The following ZNF804B variants were observed in gnomAD, a reference collection of about 807,000 sequenced individuals.
The protein encoded by ZNF804B is zinc finger protein 804B.
A neutral mutation model predicts 101.4 loss-of-function variants in ZNF804B; 80 were observed. The ratio of observed to expected loss-of-function variants is 0.79; its 90% confidence interval spans 0.66 to 0.95. ZNF804B has a LOEUF of 0.95. Ranked by LOEUF, ZNF804B falls within the 40% of genes least tolerant of loss-of-function variation. The pLI is 0.00. For synonymous variants in ZNF804B, 622 were observed against 558.8 expected (o/e 1.11, Z -1.59); for missense variants, 1,673 against 1,561.9 (o/e 1.07, Z -1.20).
chr7:89,126,957 A>G (rs971081839), intron 1 of ZNF804B, among the ~76,000 whole-genome samples: 1 of 151,918 alleles, frequency 6.6e-6, no homozygotes, highest in Non-Finnish European at 1.5e-5. Context: ...GAAAACAAAC[A>G]TGAAAATAAT....
intron 1 of ZNF804B, among the ~76,000 whole-genome samples, chr7:88,895,317 G>A (rs948645638): frequency 2.0e-5 from 3 of 152,202 alleles, no homozygotes; most frequent in African/African-American, 4.8e-5. Flanking sequence ...CTGTTAAAGT[G>A]GGAAGTTACA....
chr7:89,154,968 T>C (rs768861316), intron 1 of ZNF804B, among the ~76,000 whole-genome samples: 1 of 152,114 alleles, frequency 6.6e-6, no homozygotes, highest in Non-Finnish European at 1.5e-5. Flanking sequence ...ATGATGCGAT[T>C]ATTACATATT....
At position 89,152,690 on chromosome 7, in the gene ZNF804B, A is replaced by T. The variant is rs201975274; in HGVS notation, c.109-65465A>T. Among the ~76,000 whole-genome samples the T allele has an allele frequency of 1.2e-4, 18 of 152,276 alleles. No homozygotes were observed. The East Asian group carries it at 3.5e-3, about 29-fold the overall frequency. On this transcript the variant is annotated intron_variant, in intron 1 of 3. Coordinates refer to ENST00000333190, the MANE Select transcript of ZNF804B (RefSeq NM_181646.5). Reference sequence around the variant, plus strand: ...AAAGCTGTAATTCTTTTTAAAATAAAATATATAGTTACCTGTTTTCTTGCC... The same window carrying T: ...AAAGCTGTAATTCTTTTTAAAATAATATATATAGTTACCTGTTTTCTTGCC...
At chr7:88,934,872 A>G (rs1258951298) in intron 1 of ZNF804B, among the ~76,000 whole-genome samples, 1 of 151,972 alleles carries the variant, frequency 6.6e-6, no homozygotes, top group Admixed American at 6.6e-5. Context: ...CGATCCCACT[A>G]CTGGGTATCT....
chr7:88,877,006 A>AAAAAATATATAT (rs1171913711), intron 1 of ZNF804B, among the ~76,000 whole-genome samples: 1 of 84,298 alleles, frequency 1.2e-5, no homozygotes, highest in Non-Finnish European at 2.0e-5. Flanking sequence ...TTGAAAAAAA[A>AAAAAATATATAT]AATATATATA....
intron 1 of ZNF804B, among the ~76,000 whole-genome samples, chr7:88,826,442 C>T (rs1791051238): frequency 6.6e-6 from 1 of 152,080 alleles, no homozygotes; most frequent in South Asian, 2.1e-4. Flanking sequence ...TTCAGTTTTG[C>T]TTCTCATTTA....
chr7:88,841,154 C>A (rs1791286987), intron 1 of ZNF804B, among the ~76,000 whole-genome samples: 1 of 152,102 alleles, frequency 6.6e-6, no homozygotes, highest in South Asian at 2.1e-4. Flanking sequence ...TTGCCCTAGG[C>A]TTTTGGGAGG....
chr7:89,027,997 ATTTG>A lies in ZNF804B; in HGVS notation c.109-190151_109-190148del, dbSNP rs1456492498. Among the ~76,000 whole-genome samples the A allele has an allele frequency of 4.6e-5, 7 of 152,118 alleles. 1 individual carries two copies. Among genetic ancestry groups the A allele is most frequent in the Non-Finnish European group, 8.8e-5 (6 of 68,022 alleles). ...AATCCTTCAACGTTTTACCACTGGA[ATTTG>A]TTTGTTCTTGCTTGTCTAATAAAGT... On this transcript the variant is annotated intron_variant, in intron 1 of 3. Coordinates refer to ENST00000333190, the MANE Select transcript of ZNF804B (RefSeq NM_181646.5).
chr7:88,924,866 G>A (rs184932938), intron 1 of ZNF804B, among the ~76,000 whole-genome samples: 252 of 152,220 alleles, frequency 1.7e-3, no homozygotes, highest in African/African-American at 5.8e-3. Context: ...TTAAAACACT[G>A]CCTAGTACAC....
At chr7:89,309,957 T>C (rs1790625913) in intron 2 of ZNF804B, among the ~76,000 whole-genome samples, 2 of 151,880 alleles carry the variant, frequency 1.3e-5, no homozygotes, top group Admixed American at 1.3e-4. Context: ...GATGGCCATA[T>C]AGCTGGCTAA....
intron 1 of ZNF804B, among the ~76,000 whole-genome samples, chr7:89,149,845 A>T (rs1391210426): frequency 6.6e-6 from 1 of 151,482 alleles, no homozygotes; most frequent in African/African-American, 2.4e-5. Context: ...ATATTTGCCC[A>T]GTAGGTACTT....
intron 1 of ZNF804B, among the ~76,000 whole-genome samples, chr7:89,194,716 C>T (rs967475190): frequency 6.7e-6 from 1 of 148,786 alleles, no homozygotes; most frequent in Non-Finnish European, 1.5e-5. Flanking sequence ...GTTACTGTAG[C>T]CTTGTAGTAT....
intron 2 of ZNF804B, among the ~76,000 whole-genome samples, chr7:89,253,788 A>G (rs1304619466): frequency 6.6e-6 from 1 of 152,142 alleles, no homozygotes; most frequent in Non-Finnish European, 1.5e-5. Context: ...CGTTATTTGC[A>G]TCTCAATCCA....
intron 2 of ZNF804B, among the ~76,000 whole-genome samples, chr7:89,262,446 T>C (rs1267079630): frequency 6.6e-6 from 1 of 152,202 alleles, no homozygotes; most frequent in Non-Finnish European, 1.5e-5. Context: ...GTAAGTTAAT[T>C]ACTTTCTCTT....
At chr7:88,856,037 A>G (rs1026957985) in intron 1 of ZNF804B, among the ~76,000 whole-genome samples, 8 of 152,284 alleles carry the variant, frequency 5.3e-5, no homozygotes, top group Non-Finnish European at 7.4e-5. Flanking sequence ...ATCAGGTAGC[A>G]TGATGCCTCC....
chr7:89,201,487 G>T lies in ZNF804B; in HGVS notation c.109-16668G>T, dbSNP rs76158619. Among the ~76,000 whole-genome samples, 1,144 of 152,042 alleles carry T rather than the reference G, an allele frequency of 7.5e-3. 25 individuals carry two copies. Among genetic ancestry groups the T allele is most frequent in the African/African-American group, 0.026 (1,087 of 41,496 alleles). ...CTATTAGATATATTGTACACTACTT[G>T]GTTGATTGGTCCACCAAAAGCCGAG... is the stretch of plus-strand genomic sequence containing the variant. On this transcript the variant is annotated intron_variant, in intron 1 of 3. Coordinates refer to ENST00000333190, the MANE Select transcript of ZNF804B (RefSeq NM_181646.5).
chr7:88,787,162 T>C (rs1469842019), intron 1 of ZNF804B, among the ~76,000 whole-genome samples: 1 of 151,998 alleles, frequency 6.6e-6, no homozygotes, highest in Non-Finnish European at 1.5e-5. Flanking sequence ...GAAAAGACTA[T>C]GAGAAAGGAG....
chr7:88,788,598 C>G lies in ZNF804B; in HGVS notation c.108+28514C>G, dbSNP rs373186092. ...GTTTATTTGTTTTTTGTTTCCTCTT[C>G]CAGAGTATATGCTCACTGGAAACAC... is the stretch of plus-strand genomic sequence containing the variant. On this transcript the variant is annotated intron_variant, in intron 1 of 3. Transcript: ENST00000333190. 5.3e-5 allele frequency among the ~76,000 whole-genome samples: 8 copies of G among 152,220 alleles called. No individual in the cohort carries two copies. In the South Asian group the frequency reaches 1.7e-3, roughly 32 times the overall value.
chr7:89,094,774 C>T (rs1180339173), intron 1 of ZNF804B, among the ~76,000 whole-genome samples: 9 of 151,878 alleles, frequency 5.9e-5, no homozygotes. Context: ...AACCTATTCA[C>T]ATTAAAAAGT....
Sources: allele counts gnomAD v4.1 joint callset (sites outside exome capture counted in the v4.1 genomes callset), GRCh38; gene constraint gnomAD v4.1.1; transcripts MANE v1.5; gene names NCBI Gene and HGNC (gene_info 2026-07-23, HGNC 2026-07-21).